Variants in PCDHA13 observed in about 807,000 individuals in gnomAD.
PCDHA13 encodes the protein protocadherin alpha-13.
PCDHA13 carries 54 observed loss-of-function variants against 64.8 expected under a neutral mutation model. That is an observed-to-expected ratio of 0.83 (90% CI 0.67 to 1.04). The LOEUF is 1.04. Among genes scored for constraint, PCDHA13 ranks in the 50% least tolerant of loss-of-function variants. PCDHA13 has a pLI of 0.00. For missense variants in PCDHA13, 1,248 were observed against 1,254.3 expected, an observed-to-expected ratio of 0.99 and a Z score of 0.08; for synonymous variants, 587 against 564.4, an observed-to-expected ratio of 1.04 and a Z score of -0.57.
intron 1 of PCDHA13, among the ~76,000 whole-genome samples, chr5:140,965,818 A>G (rs1554227859): frequency 2.6e-5 from 4 of 152,344 alleles, no homozygotes; most frequent in African/African-American, 9.6e-5. Flanking sequence ...AGAGCATTTT[A>G]AACATTTAAA....
At chr5:140,995,106 G>C (rs1318120210) in intron 3 of PCDHA13, among the ~76,000 whole-genome samples, 6 of 152,180 alleles carry the variant, frequency 3.9e-5, no homozygotes, top group East Asian at 1.9e-4. Context: ...TACATTCCAA[G>C]ACCCTCAGTG....
chr5:140,968,272 A>G (rs369285531), intron 1 of PCDHA13: 1 of 1,613,936 alleles, frequency 6.2e-7, no homozygotes, highest in African/African-American at 1.3e-5. Context: ...AGGAGAATGC[A>G]GAGGTGACCT....
chr5:140,926,828 C>T (rs2083578925), intron 1 of PCDHA13: 1 of 1,501,376 alleles, frequency 6.7e-7, no homozygotes, highest in African/African-American at 1.4e-5. Flanking sequence ...TCCAGGAGTC[C>T]GGAGCATGGT....
chr5:140,938,463 T>C (rs1399110046), intron 1 of PCDHA13, among the ~76,000 whole-genome samples: 1 of 152,216 alleles, frequency 6.6e-6, no homozygotes, highest in Non-Finnish European at 1.5e-5. Flanking sequence ...GTTTTTTAAT[T>C]TATTATGTTT....
At chr5:140,926,771 A>C (rs2083548742) in intron 1 of PCDHA13, 11 of 1,372,492 alleles carry the variant, frequency 8.0e-6, no homozygotes, top group Non-Finnish European at 1.0e-5. Context: ...TCCAGCCCGC[A>C]GCAGTGACGG....
At chr5:140,967,881 G>A (rs2096193873) in intron 1 of PCDHA13, 2 of 1,614,034 alleles carry the variant, frequency 1.2e-6, no homozygotes, top group Non-Finnish European at 1.7e-6. Context: ...GACCTGTATA[G>A]CCCAGTGCCT....
rs542701193 is a variant in PCDHA13 at position 140,931,976 on chromosome 5, A to G, written c.2395-46973A>G. 2.6e-5 allele frequency among the ~76,000 whole-genome samples: 4 copies of G among 152,074 alleles called. No homozygotes were observed. In the East Asian group the frequency reaches 7.7e-4, roughly 29 times the overall value. On this transcript the variant is annotated intron_variant, in intron 1 of 3. Coordinates refer to ENST00000289272, the MANE Select transcript of PCDHA13 (RefSeq NM_018904.3). ...GAATCATGTTGATGCATATGTGTTTATATTTTGCTCAAATTCTAAGTTCTT... is the reference window on the plus strand; with the variant it reads ...GAATCATGTTGATGCATATGTGTTTGTATTTTGCTCAAATTCTAAGTTCTT...
chr5:140,965,374 G>A (rs1554227648), intron 1 of PCDHA13, among the ~76,000 whole-genome samples: 1 of 152,098 alleles, frequency 6.6e-6, no homozygotes, highest in Admixed American at 6.6e-5. Flanking sequence ...AGGAAACTTG[G>A]GGACACAGAA....
intron 1 of PCDHA13, chr5:140,967,549 T>C (rs781838911): frequency 6.2e-7 from 1 of 1,614,012 alleles, no homozygotes; most frequent in Non-Finnish European, 8.5e-7. Flanking sequence ...ACCAGTCCAC[T>C]TATCGCGTCC....
At chr5:140,920,767 C>T (rs1484117906) in intron 1 of PCDHA13, among the ~76,000 whole-genome samples, 1 of 151,632 alleles carries the variant, frequency 6.6e-6, no homozygotes. Context: ...TTGCTTACAC[C>T]TGGGAGGTGG....
At chr5:140,997,374 A>G (rs1296402204) in intron 3 of PCDHA13, among the ~76,000 whole-genome samples, 1 of 152,212 alleles carries the variant, frequency 6.6e-6, no homozygotes, top group Non-Finnish European at 1.5e-5. Flanking sequence ...TAGATGATAT[A>G]GCATACTACA....
chr5:140,949,924 AT>A (rs144693243), intron 1 of PCDHA13, among the ~76,000 whole-genome samples: 8,382 of 151,404 alleles, frequency 0.055, 277 homozygotes, highest in Non-Finnish European at 0.077. Context: ...CTATTTTTAG[AT>A]TTTTTTTAAT....
At chr5:140,969,535 T>C (rs1221394283) in intron 1 of PCDHA13, 27 of 1,341,822 alleles carry the variant, frequency 2.0e-5, no homozygotes, top group Non-Finnish European at 2.5e-5. Flanking sequence ...TTTTTCATTT[T>C]CAGAGGCATG....
At chr5:140,927,481 G>C in intron 1 of PCDHA13, 2 of 1,614,072 alleles carry the variant, frequency 1.2e-6, no homozygotes, top group Non-Finnish European at 1.7e-6. Context: ...CGAACAGCGC[G>C]CCACCCACCT....
intron 3 of PCDHA13, among the ~76,000 whole-genome samples, chr5:141,000,919 A>AT (rs2097975024): frequency 6.6e-6 from 1 of 152,134 alleles, no homozygotes; most frequent in Non-Finnish European, 1.5e-5. Flanking sequence ...AAAAAAAAAA[A>AT]TCCTGTGTGA....
chr5:140,888,324 T>C (rs1191192546), intron 1 of PCDHA13, among the ~76,000 whole-genome samples: 1 of 152,152 alleles, frequency 6.6e-6, no homozygotes, highest in East Asian at 1.9e-4. Flanking sequence ...CCTGGATACA[T>C]TTTTGGTTAT....
At chr5:140,910,028 T>C (rs1402911275) in intron 1 of PCDHA13, among the ~76,000 whole-genome samples, 4 of 152,222 alleles carry the variant, frequency 2.6e-5, no homozygotes, top group African/African-American at 9.6e-5. Flanking sequence ...ATCCCTGGGA[T>C]AAATCCCACT....
intron 1 of PCDHA13, among the ~76,000 whole-genome samples, chr5:140,954,639 T>A (rs1433862413): frequency 6.6e-6 from 1 of 152,240 alleles, no homozygotes; most frequent in East Asian, 1.9e-4. Flanking sequence ...TCTTGTAAAT[T>A]TGTTTAAGTT....
chr5:140,971,202 C>T (rs1486022070), intron 1 of PCDHA13, among the ~76,000 whole-genome samples: 1 of 152,156 alleles, frequency 6.6e-6, no homozygotes, highest in Non-Finnish European at 1.5e-5. Context: ...AGGAAAGACA[C>T]TGTTACCCTC....
Sources: gnomAD v4.1 joint callset for allele counts (sites outside exome capture counted in the v4.1 genomes callset) on GRCh38, gnomAD v4.1.1 for gene constraint, MANE v1.5 for transcripts, NCBI Gene and HGNC (gene_info 2026-07-23, HGNC 2026-07-21) for gene names.